Variants in BRIP1 observed in about 807,000 individuals in gnomAD.
BRIP1 encodes BRCA1 interacting DNA helicase 1.
BRIP1 carries 88 observed loss-of-function variants against 119.7 expected under a neutral mutation model. That is an observed-to-expected ratio of 0.74 (90% CI 0.62 to 0.88). The LOEUF (loss-of-function observed/expected upper bound fraction) is 0.88. Ranked by LOEUF, BRIP1 falls within the 40% of genes least tolerant of loss-of-function variation. BRIP1 has a pLI of 0.00. For synonymous variants in BRIP1, 443 were observed against 496.5 expected, an observed-to-expected ratio of 0.89 and a Z score of 1.43; for missense variants, 1,259 against 1,455.4, an observed-to-expected ratio of 0.87 and a Z score of 2.20.
In BRIP1 at chr17:61,856,338, T is replaced by A. The variant is rs2078896186; in HGVS notation, c.379+720A>T. On this transcript the variant is annotated intron_variant, in intron 4 of 19. Transcript: ENST00000259008. The surrounding 1 kb of genome is among the most constrained non-coding windows in gnomAD (Gnocchi z 5.1). ...ATGGCAACCTCTGTCTCCCTGCCAGTGACTGGTAAAGGAATAGCATGAGTA... is the reference window on the plus strand; with the variant it reads ...ATGGCAACCTCTGTCTCCCTGCCAGAGACTGGTAAAGGAATAGCATGAGTA... 6.6e-6 allele frequency among the ~76,000 whole-genome samples: 1 copy of A among 152,164 alleles called. No homozygotes were observed. The highest frequency in any genetic ancestry group is 6.5e-5 in the Admixed American group (1 of 15,276).
In BRIP1 at chr17:61,693,743, TA is replaced by T. The variant is rs1340482027; in HGVS notation, c.2493-232del. Among the ~76,000 whole-genome samples, 2 of 152,312 alleles carry T rather than the reference TA, an allele frequency of 1.3e-5. No homozygotes were observed. The highest frequency in any genetic ancestry group is 3.8e-4 in the East Asian group (2 of 5,196). ...AACTTGCATCCAAAATGTTGTATTT[TA>T]TTTTGCACTCAAGAAAATTATAGAA... On this transcript the variant is annotated intron_variant, in intron 17 of 19. Transcript: ENST00000259008. The surrounding 1 kb of genome is among the most constrained non-coding windows in gnomAD (Gnocchi z 4.2).
rs1418085559 is a variant in BRIP1, at chr17:61,680,764, C to A, written c.*2532G>T. ...AAAGTGCTGGGATTACAGGCGTGAG[C>A]CACCGCGCCTGGCCCTAAAGGTAAT... On this transcript the variant is annotated 3_prime_UTR_variant, in exon 20 of 20. Coordinates refer to ENST00000259008, the MANE Select transcript of BRIP1 (RefSeq NM_032043.3). Among the ~76,000 whole-genome samples, 2 of 152,140 alleles carry A rather than the reference C, an allele frequency of 1.3e-5. No individual in the cohort carries two copies. Among genetic ancestry groups the A allele is most frequent in the Non-Finnish European group, 2.9e-5 (2 of 68,024 alleles).
chr17:61,790,710 G>A (rs1255696389), intron 10 of BRIP1, among the ~76,000 whole-genome samples: 1 of 151,748 alleles, frequency 6.6e-6, no homozygotes, highest in Non-Finnish European at 1.5e-5. Context: ...TGCAATCATG[G>A]TTCACTGTAG....
Position 61,846,178 on chromosome 17 carries a change from G to A in BRIP1, c.627+923C>T, listed in dbSNP as rs1026511332. Among the ~76,000 whole-genome samples, 18 of 149,476 alleles carry A rather than the reference G, an allele frequency of 1.2e-4. 1 individual carries two copies. In the South Asian group the frequency reaches 1.3e-3, roughly 11 times the overall value. ...AGCCTGGGTGACAGAGCGATACTCCGTCTCAAAAAAAAATTAAAATAAATA... is the reference window on the plus strand; with the variant it reads ...AGCCTGGGTGACAGAGCGATACTCCATCTCAAAAAAAAATTAAAATAAATA... On this transcript the variant is annotated intron_variant, in intron 6 of 19. Coordinates refer to ENST00000259008, the MANE Select transcript of BRIP1 (RefSeq NM_032043.3). The surrounding 1 kb of genome is among the most constrained non-coding windows in gnomAD (Gnocchi z 4.3).
At position 61,756,640 on chromosome 17, in the gene BRIP1, G is replaced by T. The variant is rs931474927; in HGVS notation, c.2098-12049C>A. Among the ~76,000 whole-genome samples the T allele has an allele frequency of 6.6e-6, 1 of 152,026 alleles. No individual in the cohort carries two copies. The highest frequency in any genetic ancestry group is 2.4e-5 in the African/African-American group (1 of 41,392). ...CAAACTTCTTTAAAACTAGTATTTC[G>T]CTAGGGAGGGAATAAGTTAGAATGC... On this transcript the variant is annotated intron_variant, in intron 14 of 19. Coordinates refer to ENST00000259008, the MANE Select transcript of BRIP1 (RefSeq NM_032043.3). This position sits in a 1 kb window ranked among gnomAD's most constrained non-coding sequence, Gnocchi z 4.3.
chr17:61,804,407 CAT>C lies in BRIP1; in HGVS notation c.919-2935_919-2934del. On this transcript the variant is annotated intron_variant, in intron 7 of 19. Transcript: ENST00000259008. The surrounding 1 kb of genome is among the most constrained non-coding windows in gnomAD (Gnocchi z 4.5). ...TAAAAGACTTTGAGGCAGCTATATA[CAT>C]ATGTGTGTGTGTGTGTGTGTGTGTG... 7.7e-6 allele frequency among the ~76,000 whole-genome samples: 1 copy of C among 130,296 alleles called. No individual in the cohort carries two copies. The highest frequency in any genetic ancestry group is 3.0e-5 in the African/African-American group (1 of 33,178). The allele number at this position is 130,296 out of a possible 152,430, so 85.5% of individuals were successfully genotyped here.
In BRIP1 at chr17:61,815,374, G is replaced by A. The variant is rs1194291573; in HGVS notation, c.628-6617C>T. Among the ~76,000 whole-genome samples, 1 of 152,110 alleles carries A rather than the reference G, an allele frequency of 6.6e-6. No individual in the cohort carries two copies. Reference sequence around the variant, plus strand: ...TCAAAGCAGATTGTGACTGATTTGGGTTAGGGCTTTATTCCAGAATTTATA... The same window carrying A: ...TCAAAGCAGATTGTGACTGATTTGGATTAGGGCTTTATTCCAGAATTTATA... On this transcript the variant is annotated intron_variant, in intron 6 of 19. Transcript: ENST00000259008. The surrounding 1 kb of genome is among the most constrained non-coding windows in gnomAD (Gnocchi z 4.1).
In BRIP1 at chr17:61,763,834, G is replaced by A. The variant is rs141462267; in HGVS notation, c.2097+12567C>T. ...TAAAATGTTAAAATCGTAGCTAGAA[G>A]TTAGAAACCTGTGTAAGCCATATTA... On this transcript the variant is annotated intron_variant, in intron 14 of 19. Transcript: ENST00000259008. Among the ~76,000 whole-genome samples, 6 of 152,178 alleles carry A rather than the reference G, an allele frequency of 3.9e-5. No homozygotes were observed. The East Asian group carries it at 1.2e-3, about 29-fold the overall frequency.
rs1247666047 is a variant in BRIP1, at chr17:61,720,447, A to G, written c.2380-4384T>C. 6.6e-6 allele frequency among the ~76,000 whole-genome samples: 1 copy of G among 152,260 alleles called. No homozygotes were observed. The highest frequency in any genetic ancestry group is 1.5e-5 in the Non-Finnish European group (1 of 68,050). ...TTCTTGGAAACATTTTAGGCTTTCA[A>G]GATATATTAACAAAACTTATACAGC... On this transcript the variant is annotated intron_variant, in intron 16 of 19. Transcript: ENST00000259008. This position sits in a 1 kb window ranked among gnomAD's most constrained non-coding sequence, Gnocchi z 4.3.
In BRIP1 at chr17:61,695,439, T is replaced by C. The variant is rs1269267492; in HGVS notation, c.2493-1927A>G. 6.6e-6 allele frequency among the ~76,000 whole-genome samples: 1 copy of C among 152,200 alleles called. No individual in the cohort carries two copies. ...AACTGTTTGTTCTCCTAGTATGTTC[T>C]TCTTTTTCAAGATTGTTTTGACTAT... On this transcript the variant is annotated intron_variant, in intron 17 of 19. Coordinates refer to ENST00000259008, the MANE Select transcript of BRIP1 (RefSeq NM_032043.3). The surrounding 1 kb of genome is among the most constrained non-coding windows in gnomAD (Gnocchi z 4.3).
Position 61,808,548 on chromosome 17 carries a change from C to G in BRIP1, c.837G>C (p.Arg279Ser), listed in dbSNP as rs759584091. ...CCTCAGGATGGACACAAGTATGATCCCTGCTGGAAAGAATAGTCATTGGAA... is the reference window on the plus strand; with the variant it reads ...CCTCAGGATGGACACAAGTATGATCGCTGCTGGAAAGAATAGTCATTGGAA... ...SGVPMTILSSRDHTCVHPEVV... is the reference protein window; with the variant it reads ...SGVPMTILSSSDHTCVHPEVV... The change falls in exon 7 of 20, where the codon AGG becomes AGC. Residue 279 changes from arginine (R) to serine (S), a missense_variant. Physicochemically the swap from Arg to Ser is moderately radical, Grantham distance 110. Transcript: ENST00000259008. This position sits in a 1 kb window ranked among gnomAD's most constrained non-coding sequence, Gnocchi z 4.1. The G allele has an allele frequency of 6.2e-7, 1 of 1,613,500 alleles. No individual in the cohort carries two copies.
rs1023760975 is a variant in BRIP1 at position 61,744,257 on chromosome 17, A to G, written c.2257+175T>C. Among the ~76,000 whole-genome samples, 1 of 152,208 alleles carries G rather than the reference A, an allele frequency of 6.6e-6. No homozygotes were observed. The highest frequency in any genetic ancestry group is 2.4e-5 in the African/African-American group (1 of 41,462). On this transcript the variant is annotated intron_variant, in intron 15 of 19. Transcript: ENST00000259008. This position sits in a 1 kb window ranked among gnomAD's most constrained non-coding sequence, Gnocchi z 5.0. ...TCAGCATACTCAAGTGAAAATATTC[A>G]TAGGAGAACAAGTACAATTAAAAGA...
In BRIP1 at chr17:61,701,477, T is replaced by C. The variant is rs2061612734; in HGVS notation, c.2493-7965A>G. On this transcript the variant is annotated intron_variant, in intron 17 of 19. Coordinates refer to ENST00000259008, the MANE Select transcript of BRIP1 (RefSeq NM_032043.3). This position sits in a 1 kb window ranked among gnomAD's most constrained non-coding sequence, Gnocchi z 5.1. ...AGTCTCTGCATATATTGGGGCATAA[T>C]TTCAATCCTCAGCACTGTAGGTAAT... Among the ~76,000 whole-genome samples, 1 of 152,212 alleles carries C rather than the reference T, an allele frequency of 6.6e-6. No homozygotes were observed. Among genetic ancestry groups the C allele is most frequent in the Admixed American group, 6.5e-5 (1 of 15,280 alleles).
rs1011294687 is a variant in BRIP1 at position 61,709,483 on chromosome 17, A to T, written c.2492+6468T>A. Among the ~76,000 whole-genome samples, 2 of 152,176 alleles carry T rather than the reference A, an allele frequency of 1.3e-5. No individual in the cohort carries two copies. The highest frequency in any genetic ancestry group is 4.8e-5 in the African/African-American group (2 of 41,448). On this transcript the variant is annotated intron_variant, in intron 17 of 19. Coordinates refer to ENST00000259008, the MANE Select transcript of BRIP1 (RefSeq NM_032043.3). The surrounding 1 kb of genome is among the most constrained non-coding windows in gnomAD (Gnocchi z 5.0). The stretch of plus-strand genomic sequence containing the variant: ...TATAGGCTCCAAGGCAACAGACCAT[A>T]ACACTGGGAAGGATAGGAAGAAGAT...
chr17:61,862,372 C>A lies in BRIP1; in HGVS notation c.-30-803G>T, dbSNP rs1301451877. ...GAATTCCACTGTGTGAATCACTTAA[C>A]TTCTCAGAGCTTGTTTCTCCATATA... On this transcript the variant is annotated intron_variant, in intron 1 of 19. Transcript: ENST00000259008. The surrounding 1 kb of genome is among the most constrained non-coding windows in gnomAD (Gnocchi z 5.3). Among the ~76,000 whole-genome samples, 1 of 152,154 alleles carries A rather than the reference C, an allele frequency of 6.6e-6. No homozygotes were observed. Among genetic ancestry groups the A allele is most frequent in the Non-Finnish European group, 1.5e-5 (1 of 68,034 alleles).
At position 61,736,973 on chromosome 17, in the gene BRIP1, C is replaced by T. The variant is rs952603298; in HGVS notation, c.2379+6040G>A. 6.6e-6 allele frequency among the ~76,000 whole-genome samples: 1 copy of T among 151,952 alleles called. No homozygotes were observed. Among genetic ancestry groups the T allele is most frequent in the African/African-American group, 2.4e-5 (1 of 41,382 alleles). ...AACAATAATTAAAAACTAACAGCCA[C>T]ACAAAGTATAAAGATGGAATCTGTG... On this transcript the variant is annotated intron_variant, in intron 16 of 19. Transcript: ENST00000259008. The surrounding 1 kb of genome is among the most constrained non-coding windows in gnomAD (Gnocchi z 4.4).
intron 10 of BRIP1, 25 bp from the exon 11 acceptor site, chr17:61,784,449 A>T (rs759287893): frequency 6.2e-7 from 1 of 1,601,560 alleles, no homozygotes. Context: ...CATATTAAGT[A>T]TAGAGGGGTT....
chr17:61,842,906 C>A lies in BRIP1; in HGVS notation c.627+4195G>T, dbSNP rs1378157897. The stretch of plus-strand genomic sequence containing the variant: ...AAGAGTTTAAAAAATCAAGGTTATA[C>A]AGTTAATAAAGAGTAGAGCTATGAT... On this transcript the variant is annotated intron_variant, in intron 6 of 19. Coordinates refer to ENST00000259008, the MANE Select transcript of BRIP1 (RefSeq NM_032043.3). The surrounding 1 kb of genome is among the most constrained non-coding windows in gnomAD (Gnocchi z 5.1). 1.3e-5 allele frequency among the ~76,000 whole-genome samples: 2 copies of A among 152,098 alleles called. No individual in the cohort carries two copies. Among genetic ancestry groups the A allele is most frequent in the Non-Finnish European group, 2.9e-5 (2 of 68,034 alleles).
Position 61,780,492 on chromosome 17 carries a change from C to CTG in BRIP1, c.1795-93_1795-92dup. 1 of 1,173,554 alleles carries CTG rather than the reference C, an allele frequency of 8.5e-7. No individual in the cohort carries two copies. The highest frequency in any genetic ancestry group is 1.3e-6 in the Non-Finnish European group (1 of 787,082). The allele number at this position is 1,173,554 out of a possible 1,614,324, so 72.7% of individuals were successfully genotyped here. On this transcript the variant is annotated intron_variant, in intron 12 of 19. Transcript: ENST00000259008. This position sits in a 1 kb window ranked among gnomAD's most constrained non-coding sequence, Gnocchi z 5.4. ...CCTGTAATCCCAGCACTTTGGGAGG[C>CTG]TGAAGCAGGAAGATCGCTTGAGTCT...
Sources: allele counts gnomAD v4.1 joint callset (sites outside exome capture counted in the v4.1 genomes callset), GRCh38; gene constraint gnomAD v4.1.1; non-coding constraint Gnocchi (gnomAD v3.1); transcripts MANE v1.5; gene names NCBI Gene and HGNC (gene_info 2026-07-23, HGNC 2026-07-21).